ODAD2: variants seen among roughly 807,000 people sequenced by gnomAD.
The protein encoded by ODAD2 is outer dynein arm docking complex subunit 2, also known as outer dynein arm-docking complex subunit 2.
A neutral mutation model predicts 106.8 loss-of-function variants in ODAD2; 89 were observed. That is an observed-to-expected ratio of 0.83 (90% confidence interval 0.70 to 0.99). The LOEUF is 0.99. Among genes scored for constraint, ODAD2 ranks in the 50% least tolerant of loss-of-function variants. The probability of loss-of-function intolerance (pLI) is 0.00; values close to 1 mark genes in which losing one functional copy is unlikely to be tolerated. For missense variants in ODAD2, 1,168 were observed against 1,238.5 expected (o/e 0.94, Z 0.85); for synonymous variants, 404 against 436.2 (o/e 0.93, Z 0.92).
chr10:27,931,504 A>G (rs996870434), intron 16 of ODAD2, among the ~76,000 whole-genome samples: 4 of 151,820 alleles, frequency 2.6e-5, no homozygotes, highest in Non-Finnish European at 4.4e-5. Context: ...CAGCTCAATC[A>G]GGTCCTTCAG....
chr10:27,888,060 A>T (rs1457128392), intron 17 of ODAD2, among the ~76,000 whole-genome samples: 2 of 152,192 alleles, frequency 1.3e-5, no homozygotes, highest in South Asian at 4.1e-4. Context: ...CCTCCCAACG[A>T]AGAAAAGGAC....
At chr10:27,913,991 A>G (rs1844190878) in intron 16 of ODAD2, among the ~76,000 whole-genome samples, 1 of 152,178 alleles carries the variant, frequency 6.6e-6, no homozygotes, top group Non-Finnish European at 1.5e-5. Context: ...GTATAAACCC[A>G]AAGGAATATA....
intron 7 of ODAD2, among the ~76,000 whole-genome samples, chr10:27,978,175 T>C (rs181623994): frequency 6.0e-4 from 91 of 152,094 alleles, no homozygotes; most frequent in African/African-American, 2.2e-3. Context: ...TACACATCCA[T>C]AAAAGCAATA....
intron 17 of ODAD2, among the ~76,000 whole-genome samples, chr10:27,876,115 G>A (rs1172364928): frequency 6.6e-6 from 1 of 152,172 alleles, no homozygotes; most frequent in Non-Finnish European, 1.5e-5. Context: ...CTCCACATCT[G>A]GGGGCAGGGC....
chr10:27,898,826 T>C (rs1466139180), intron 17 of ODAD2, among the ~76,000 whole-genome samples: 1 of 152,174 alleles, frequency 6.6e-6, no homozygotes, highest in African/African-American at 2.4e-5. Flanking sequence ...CCAGTAAGGA[T>C]TTGAGATCTT....
chr10:27,817,928 G>T (rs141592719), intron 19 of ODAD2, among the ~76,000 whole-genome samples: 1 of 151,870 alleles, frequency 6.6e-6, no homozygotes, highest in Non-Finnish European at 1.5e-5. Context: ...AAATTTAGAC[G>T]ATTTCTTCTA....
chr10:27,965,289 C>T (rs1848417513), intron 9 of ODAD2, among the ~76,000 whole-genome samples: 1 of 152,150 alleles, frequency 6.6e-6, no homozygotes, highest in Admixed American at 6.5e-5. Flanking sequence ...TGCCTACGGT[C>T]CCCATGCCCT....
At position 27,852,655 on chromosome 10, in the gene ODAD2, G is replaced by A. The variant is rs1227770849; in HGVS notation, c.3021+7970C>T. Among the ~76,000 whole-genome samples the A allele has an allele frequency of 2.0e-5, 3 of 152,136 alleles. 1 individual carries two copies. Among genetic ancestry groups the A allele is most frequent in the East Asian group, 3.9e-4 (2 of 5,190 alleles). ...GGGAAAAATAGAAAACAAATAACAA[G>A]ATGGTACATTTAAAGCTAACCGTGG... On this transcript the variant is annotated intron_variant, in intron 19 of 19. Coordinates refer to ENST00000305242, the MANE Select transcript of ODAD2 (RefSeq NM_018076.5).
At chr10:27,966,132 C>T (rs1848472906) in intron 9 of ODAD2, among the ~76,000 whole-genome samples, 1 of 151,756 alleles carries the variant, frequency 6.6e-6, no homozygotes, top group South Asian at 2.1e-4. Context: ...ACAGAGAGCC[C>T]CAATTTTTGC....
intron 19 of ODAD2, among the ~76,000 whole-genome samples, chr10:27,849,694 A>T (rs1468374154): frequency 6.6e-6 from 1 of 152,210 alleles, no homozygotes; most frequent in African/African-American, 2.4e-5. Flanking sequence ...GAGAATTCTT[A>T]ATTCCTACTG....
In ODAD2 at chr10:27,984,194, T is replaced by C. The variant is rs1299728001; in HGVS notation, c.672A>G (p.Glu224=). Residue 224 remains glutamate (E), a synonymous_variant, in exon 5 of 20, where the codon GAA becomes GAG. Coordinates refer to ENST00000305242, the MANE Select transcript of ODAD2 (RefSeq NM_018076.5). ...KGNQTVLESI[E]YTSDYEFSNG... is the part of the protein sequence containing the mutation. ...GAGAAAACATCAAACCTGAGGTATA[T>C]TCAATAGATTCCAAGACTGTTTGGT... is the stretch of plus-strand genomic sequence containing the variant. 1.2e-5 allele frequency: 20 copies of C among 1,610,866 alleles called. No homozygotes were observed. The highest frequency in any genetic ancestry group is 1.7e-5 in the Non-Finnish European group (20 of 1,177,352).
At position 27,994,982 on chromosome 10, in the gene ODAD2, A is replaced by G. The variant is rs1253754299; in HGVS notation, c.161T>C (p.Val54Ala). 1 of 1,614,252 alleles carries G rather than the reference A, an allele frequency of 6.2e-7. No homozygotes were observed. Among genetic ancestry groups the G allele is most frequent in the Non-Finnish European group, 8.5e-7 (1 of 1,180,046 alleles). Residue 54 changes from valine to alanine, a missense_variant, in exon 2 of 20, where the codon GTG (valine) becomes GCG (alanine). Physicochemically the swap from Val to Ala is moderately conservative, Grantham distance 64. Transcript: ENST00000305242. ...ACTTGTGTTCCATTCAAGTGGTTCCACAAAAACAAATTTTGCCTCTTGAGG... is the reference window on the plus strand; with the variant it reads ...ACTTGTGTTCCATTCAAGTGGTTCCGCAAAAACAAATTTTGCCTCTTGAGG... Reference protein sequence around the residue: ...KHPQEAKFVFVEPLEWNTSLA... With the variant: ...KHPQEAKFVFAEPLEWNTSLA...
intron 13 of ODAD2, 117 bp from the exon 14 acceptor site, chr10:27,940,124 C>T: frequency 1.6e-6 from 1 of 639,264 alleles, no homozygotes; most frequent in Admixed American, 3.3e-5. Context: ...ATAGTCCAAG[C>T]TTAACATATC....
At chr10:27,842,422 A>G (rs1175199576) in intron 19 of ODAD2, among the ~76,000 whole-genome samples, 1 of 152,192 alleles carries the variant, frequency 6.6e-6, no homozygotes, top group Admixed American at 6.5e-5. Context: ...ATCATTCTTG[A>G]CCAAACTTTT....
At chr10:27,817,003 G>A (rs1402401264) in intron 19 of ODAD2, among the ~76,000 whole-genome samples, 2 of 152,102 alleles carry the variant, frequency 1.3e-5, no homozygotes, top group Non-Finnish European at 2.9e-5. Context: ...ACCCGTCTCG[G>A]CCTCCAAAAG....
chr10:27,834,312 G>A (rs1837699336), intron 19 of ODAD2, among the ~76,000 whole-genome samples: 1 of 152,180 alleles, frequency 6.6e-6, no homozygotes, highest in Non-Finnish European at 1.5e-5. Context: ...CAATCTCAAT[G>A]AGTCCAAAGC....
chr10:27,952,838 C>T (rs115527235), intron 10 of ODAD2, among the ~76,000 whole-genome samples: 3,429 of 152,078 alleles, frequency 0.023, 108 homozygotes, highest in African/African-American at 0.068. Context: ...TTGATATTTG[C>T]TTTCTGTAAG....
At chr10:27,898,126 A>G (rs1842969961) in intron 17 of ODAD2, among the ~76,000 whole-genome samples, 1 of 152,218 alleles carries the variant, frequency 6.6e-6, no homozygotes, top group South Asian at 2.1e-4. Context: ...ATGGCAACTC[A>G]CCAATGATAA....
At chr10:27,966,688 CT>C (rs1392441552) in intron 9 of ODAD2, among the ~76,000 whole-genome samples, 3 of 152,118 alleles carry the variant, frequency 2.0e-5, no homozygotes, top group Admixed American at 2.0e-4. Flanking sequence ...CACAGAGAAC[CT>C]TTCATTTTTA....
Sources: allele counts gnomAD v4.1 joint callset (sites outside exome capture counted in the v4.1 genomes callset), GRCh38; gene constraint gnomAD v4.1.1; transcripts MANE v1.5; gene names NCBI Gene and HGNC (gene_info 2026-07-23, HGNC 2026-07-21).